Variants in CD1A observed in about 807,000 individuals in gnomAD.
CD1A encodes the protein T-cell surface glycoprotein CD1a.
Under a neutral mutation model 38.3 loss-of-function variants are expected in CD1A, and 50 were observed. The observed-to-expected ratio is 1.30, with a 90% CI of 1.04 to 1.65. CD1A has a LOEUF of 1.65. Among genes scored for constraint, CD1A ranks in the 40% most tolerant of loss-of-function variants. The pLI is 0.00. For synonymous variants in CD1A, 160 were observed against 150.8 expected, an observed-to-expected ratio of 1.06 and a Z score of -0.45; for missense variants, 459 against 406.1, an observed-to-expected ratio of 1.13 and a Z score of -1.12.
rs962727228 is a variant in CD1A, at chr1:158,256,802, G to C, written c.621G>C (p.Trp207Cys). ...HLQRQVKPEA[W>C]LSHGPSPGPG... ...CCTTTGCAGTGAAGCCCGAGGCCTG[G>C]CTGTCCCATGGCCCCAGTCCTGGCC... Residue 207 changes from tryptophan (W) to cysteine (C), a missense_variant, in exon 4 of 6, where the codon TGG (tryptophan) becomes TGC (cysteine). By Grantham distance (215) the Trp-to-Cys change is radical. Transcript: ENST00000289429. 5.0e-6 allele frequency: 8 copies of C among 1,613,938 alleles called. No homozygotes were observed. The highest frequency in any genetic ancestry group is 2.7e-5 in the African/African-American group (2 of 74,920).
rs776678576 is a variant in CD1A at position 158,255,136 on chromosome 1, C to T, written c.111C>T (p.Asn37=). The T allele has an allele frequency of 2.0e-5, 32 of 1,614,010 alleles. No homozygotes were observed. The South Asian group carries it at 3.1e-4, about 16-fold the overall frequency. ...TCACCTGGATCGCATCCTTTTACAA[C>T]CATTCCTGGAAACAAAATCTGGTCT... ...FHVTWIASFY[N]HSWKQNLVSG... The change falls in exon 2 of 6, where the codon AAC becomes AAT. Residue 37 remains asparagine, a synonymous_variant. Coordinates refer to ENST00000289429, the MANE Select transcript of CD1A (RefSeq NM_001763.3).
upstream of CD1A, among the ~76,000 whole-genome samples, chr1:158,252,079 T>C (rs186440430): frequency 4.1e-4 from 63 of 152,054 alleles, no homozygotes; most frequent in Non-Finnish European, 4.3e-4. Flanking sequence ...TCCGCCCACG[T>C]TGGCCTCCCA....
At chr1:158,256,345 C>G in intron 3 of CD1A, 63 bp downstream of exon 3, 2 of 1,496,526 alleles carry the variant, frequency 1.3e-6, no homozygotes, top group South Asian at 1.2e-5. Flanking sequence ...CCACCACCTC[C>G]TTCCAATTTA....
Position 158,256,155 on chromosome 1 carries a change from G to C in CD1A, c.477G>C (p.Lys159Asn). 1 of 1,614,154 alleles carries C rather than the reference G, an allele frequency of 6.2e-7. No individual in the cohort carries two copies. ...ATCCAGTGGCTGGGAATATGGCCAA[G>C]CATTTCTGCAAAGTGCTCAATCAGA... ...LPYPVAGNMA[K>N]HFCKVLNQNQ... Residue 159 changes from lysine (K) to asparagine (N), a missense_variant, in exon 3 of 6, where the codon AAG becomes AAC. Physicochemically the swap from Lys to Asn is moderately conservative, Grantham distance 94. Transcript: ENST00000289429.
At position 158,256,900 on chromosome 1, in the gene CD1A, G is replaced by T. The variant is rs141060322; in HGVS notation, c.719G>T (p.Gly240Val). 2 of 1,614,212 alleles carry T rather than the reference G, an allele frequency of 1.2e-6. No homozygotes were observed. Among genetic ancestry groups the T allele is most frequent in the Non-Finnish European group, 1.7e-6 (2 of 1,180,052 alleles). Residue 240 changes from glycine to valine, a missense_variant, in exon 4 of 6, where the codon GGT (glycine) becomes GTT (valine). By Grantham distance (109) the Gly-to-Val change is moderately radical. Coordinates refer to ENST00000289429, the MANE Select transcript of CD1A (RefSeq NM_001763.3). ...CCCGTGTGGGTGATGTGGATGCGGG[G>T]TGAGCAGGAGCAGCAGGGCACTCAG... ...PKPVWVMWMR[G>V]EQEQQGTQRG...
upstream of CD1A, among the ~76,000 whole-genome samples, chr1:158,251,443 C>G (rs1378493709): frequency 1.3e-5 from 2 of 152,204 alleles, no homozygotes; most frequent in Admixed American, 6.5e-5. Context: ...CTACATTGCT[C>G]TGTTCCTAGG....
intron 5 of CD1A, 76 bp downstream of exon 5, chr1:158,257,587 C>T: frequency 6.4e-7 from 1 of 1,568,330 alleles, no homozygotes; most frequent in African/African-American, 1.4e-5. Flanking sequence ...GTTTTTCTCT[C>T]CTCAGTTCTT....
At chr1:158,257,600 C>T (rs1023710008) in intron 5 of CD1A, 81 bp from the exon 6 acceptor site, 2 of 1,566,538 alleles carry the variant, frequency 1.3e-6, no homozygotes, top group South Asian at 1.1e-5. Flanking sequence ...CAGTTCTTCT[C>T]TCCCCAGTCC....
the CD1A span, chr1:158,248,433 A>G: frequency 2.0e-6 from 2 of 985,112 alleles, no homozygotes; most frequent in South Asian, 9.4e-5. Flanking sequence ...TACAGTGAAC[A>G]GGAACATGCT....
At chr1:158,254,186 G>T (rs145626290), upstream of CD1A, 1 of 998,040 alleles carries the variant, frequency 1.0e-6, no homozygotes, top group African/African-American at 1.7e-5. Context: ...TGTTAAATCA[G>T]AAATGTGAAT....
chr1:158,255,835 C>T (rs1650239783), intron 2 of CD1A, among the ~76,000 whole-genome samples, 169 bp from the exon 3 acceptor site: 1 of 152,192 alleles, frequency 6.6e-6, no homozygotes, highest in African/African-American at 2.4e-5. Context: ...ATCTTTTCCT[C>T]CACCTACAGC....
Position 158,256,197 on chromosome 1 carries a change from C to T in CD1A, c.519C>T (p.Asp173=), listed in dbSNP as rs1650251593. Residue 173 remains aspartate (D), a synonymous_variant, in exon 3 of 6, where the codon GAC becomes GAT. Transcript: ENST00000289429. ...KVLNQNQHEN[D]ITHNLLSDTC... ...TCAATCAGAATCAGCATGAAAATGA[C>T]ATAACACACAATCTTCTCAGTGACA... 6.2e-7 allele frequency: 1 copy of T among 1,614,018 alleles called. No individual in the cohort carries two copies. The highest frequency in any genetic ancestry group is 8.5e-7 in the Non-Finnish European group (1 of 1,179,986).
At chr1:158,248,440 T>A in the CD1A span, 1 of 984,594 alleles carries the variant, frequency 1.0e-6, no homozygotes, top group Non-Finnish European at 1.2e-6. Flanking sequence ...AACAGGAACA[T>A]GCTTTTGGCC....
intron 4 of CD1A, 41 bp downstream of exon 4, chr1:158,257,105 T>A: frequency 6.4e-7 from 1 of 1,572,936 alleles, no homozygotes; most frequent in Non-Finnish European, 8.6e-7. Flanking sequence ...TGCCAGGAAG[T>A]GGACCTCAGG....
At chr1:158,252,132 GT>G (rs200001606), upstream of CD1A, among the ~76,000 whole-genome samples, 367 of 145,202 alleles carry the variant, frequency 2.5e-3, no homozygotes, top group African/African-American at 7.8e-3. Context: ...CCCGGCCACG[GT>G]TTTTTTTTTT....
At position 158,258,037 on chromosome 1, in the gene CD1A, T is replaced by C. The variant is rs912376556; in HGVS notation, c.*347T>C. ...CAGAGGGCCTTCCCTGACTTACAAG[T>C]GGGAAGCAGTCTCTTCCTGGTCTGA... is the stretch of plus-strand genomic sequence containing the variant. On this transcript the variant is annotated 3_prime_UTR_variant, in exon 6 of 6. Transcript: ENST00000289429. The C allele has an allele frequency of 2.6e-5, 6 of 229,902 alleles. No homozygotes were observed. The highest frequency in any genetic ancestry group is 5.1e-5 in the Admixed American group (1 of 19,694). 14.2% of individuals were successfully genotyped at this position (229,902 alleles called of 1,614,324 possible).
Position 158,256,915 on chromosome 1 carries a change from A to G in CD1A, c.734A>G (p.Gln245Arg), listed in dbSNP as rs745346466. 9.3e-6 allele frequency: 15 copies of G among 1,614,094 alleles called. No individual in the cohort carries two copies. The African/African-American group carries it at 1.5e-4, about 16-fold the overall frequency. The change falls in exon 4 of 6, where the codon CAG (glutamine) becomes CGG (arginine). Residue 245 changes from glutamine to arginine, a missense_variant. Physicochemically the swap from Gln to Arg is conservative, Grantham distance 43. Coordinates refer to ENST00000289429, the MANE Select transcript of CD1A (RefSeq NM_001763.3). ...VMWMRGEQEQ[Q>R]GTQRGDILPS... ...TGGATGCGGGGTGAGCAGGAGCAGC[A>G]GGGCACTCAGCGAGGGGACATCTTG...
rs1225075492 is a variant in CD1A, at chr1:158,254,645, G to A, written c.-25G>A. ...AAATCAAAGACCAATTTTTCTGAGA[G>A]AAGGAAATAACATCTGCAAATGATA... is the stretch of plus-strand genomic sequence containing the variant. On this transcript the variant is annotated 5_prime_UTR_variant, in exon 1 of 6. Transcript: ENST00000289429. The A allele has an allele frequency of 6.2e-7, 1 of 1,614,046 alleles. No individual in the cohort carries two copies. Among genetic ancestry groups the A allele is most frequent in the South Asian group, 1.1e-5 (1 of 91,062 alleles).
At chr1:158,255,537 G>A (rs1650230234) in intron 2 of CD1A, among the ~76,000 whole-genome samples, 187 bp downstream of exon 2, 1 of 152,108 alleles carries the variant, frequency 6.6e-6, no homozygotes, top group African/African-American at 2.4e-5. Flanking sequence ...AAACACTTCT[G>A]CTACTTATGA....
Sources: gnomAD v4.1 joint callset for allele counts (sites outside exome capture counted in the v4.1 genomes callset) on GRCh38, gnomAD v4.1.1 for gene constraint, MANE v1.5 for transcripts, NCBI Gene and HGNC (gene_info 2026-07-23, HGNC 2026-07-21) for gene names.